The following FOXP1 variants were observed in gnomAD, a reference collection of about 807,000 sequenced individuals.
FOXP1 encodes the protein forkhead box protein P1.
Under a neutral mutation model 98.2 loss-of-function variants are expected in FOXP1, and 15 were observed. The observed-to-expected ratio is 0.15, with a 90% CI of 0.10 to 0.24. The LOEUF is 0.24. FOXP1 is among the 10% of genes least tolerant of loss of function. The pLI is 1.00. For missense variants in FOXP1, 633 were observed against 848.5 expected (o/e 0.75, Z 3.15); for synonymous variants, 371 against 314.5 (o/e 1.18, Z -1.90).
intron 12 of FOXP1, among the ~76,000 whole-genome samples, chr3:71,006,790 GAATT>G (rs1267947324): frequency 3.9e-5 from 6 of 152,172 alleles, no homozygotes; most frequent in South Asian, 4.1e-4. Context: ...GTTATATGTA[GAATT>G]AATTGCATAA....
At chr3:71,364,046 G>A (rs2078749314) in intron 3 of FOXP1, among the ~76,000 whole-genome samples, 2 of 152,158 alleles carry the variant, frequency 1.3e-5, no homozygotes, top group Admixed American at 1.3e-4. Context: ...AGTGGGAGGT[G>A]CTCACCCATT....
At position 71,329,365 on chromosome 3, in the gene FOXP1, G is replaced by A. The variant is rs147268448; in HGVS notation, c.-72-29485C>T. 1.4e-4 allele frequency among the ~76,000 whole-genome samples: 22 copies of A among 152,040 alleles called. No individual in the cohort carries two copies. In the East Asian group the frequency reaches 3.9e-3, roughly 27 times the overall value. On this transcript the variant is annotated intron_variant, in intron 4 of 20. Coordinates refer to ENST00000649528, the MANE Select transcript of FOXP1 (RefSeq NM_001349338.3). ...GCCTTCCGAGTAGCTGGGACTACAG[G>A]CACCCGCCACCAGGCTGGCTAATTT...
At chr3:71,125,324 C>T (rs2121783) in intron 6 of FOXP1, among the ~76,000 whole-genome samples, 77,837 of 152,050 alleles carry the variant, frequency 0.51, 20,669 homozygotes, top group Middle Eastern at 0.61. Flanking sequence ...TATTCAAGAA[C>T]GACATACACA....
intron 4 of FOXP1, among the ~76,000 whole-genome samples, chr3:71,348,924 A>C (rs1315441325): frequency 1.3e-5 from 2 of 152,148 alleles, no homozygotes; most frequent in East Asian, 1.9e-4. Flanking sequence ...TAGACAAGAG[A>C]CCGGACTACA....
intron 10 of FOXP1, among the ~76,000 whole-genome samples, chr3:71,046,618 GTGGTT>G: frequency 6.6e-6 from 1 of 152,274 alleles, no homozygotes; most frequent in Admixed American, 6.5e-5. Flanking sequence ...AAATTCCTTT[GTGGTT>G]CCAAACAGAA....
intron 9 of FOXP1, among the ~76,000 whole-genome samples, chr3:71,050,267 C>T (rs988823336): frequency 6.6e-6 from 1 of 152,128 alleles, no homozygotes; most frequent in Non-Finnish European, 1.5e-5. Context: ...CTTCCCATTT[C>T]TTTATGTGCC....
intron 3 of FOXP1, among the ~76,000 whole-genome samples, chr3:71,453,059 A>G (rs2087118990): frequency 6.6e-6 from 1 of 152,124 alleles, no homozygotes; most frequent in Non-Finnish European, 1.5e-5. Flanking sequence ...ATTCTTTTAA[A>G]TTAACTGTGT....
intron 3 of FOXP1, among the ~76,000 whole-genome samples, chr3:71,370,997 G>A (rs910260149): frequency 1.3e-5 from 2 of 151,724 alleles, no homozygotes; most frequent in Non-Finnish European, 2.9e-5. Flanking sequence ...GGCTGGTCTC[G>A]AACTCCTGAC....
At chr3:71,425,277 G>A (rs924416392) in intron 3 of FOXP1, among the ~76,000 whole-genome samples, 2 of 152,038 alleles carry the variant, frequency 1.3e-5, no homozygotes, top group Admixed American at 6.5e-5. Context: ...CACCACACCC[G>A]GCTAATTATT....
At chr3:71,219,755 C>G (rs934593862) in intron 5 of FOXP1, among the ~76,000 whole-genome samples, 7 of 152,170 alleles carry the variant, frequency 4.6e-5, no homozygotes, top group Admixed American at 2.0e-4. Context: ...AATCCAGTTA[C>G]CAGAAAATTT....
chr3:71,462,389 A>G (rs2088224641), intron 3 of FOXP1, among the ~76,000 whole-genome samples: 1 of 152,170 alleles, frequency 6.6e-6, no homozygotes, highest in African/African-American at 2.4e-5. Context: ...GAAAAATAAA[A>G]TAGGGTTCAC....
intron 6 of FOXP1, among the ~76,000 whole-genome samples, chr3:71,114,387 A>C (rs2058196659): frequency 6.6e-6 from 1 of 152,228 alleles, no homozygotes; most frequent in Non-Finnish European, 1.5e-5. Flanking sequence ...AAAAACGTGG[A>C]GTGTGCAAGA....
At chr3:71,332,689 G>C (rs2076411069) in intron 4 of FOXP1, 1 of 152,414 alleles carries the variant, frequency 6.6e-6, no homozygotes, top group Non-Finnish European at 1.5e-5. Flanking sequence ...AGTGTGCTGA[G>C]ATCATGCCAC....
rs1175698508 is a variant in FOXP1 at position 71,583,653 on chromosome 3, CCCGCGCACA to C, written c.-538_-530del. 3 of 984,728 alleles carry C rather than the reference CCCGCGCACA, an allele frequency of 3.0e-6. No individual in the cohort carries two copies. Among genetic ancestry groups the C allele is most frequent in the East Asian group, 2.3e-4 (2 of 8,734 alleles). The allele number at this position is 984,728 out of a possible 1,614,324, so 61.0% of individuals were successfully genotyped here. A position where few individuals can be genotyped will look rare whatever the true frequency, so the allele number is the denominator to read the frequency against. On this transcript the variant is annotated 5_prime_UTR_variant, in exon 1 of 21. Transcript: ENST00000649528. Reference sequence around the variant, plus strand: ...CGCCCACTCCCGCCCGCGCGCGCACCCCGCGCACACACTCACTCGCGCACACACGCGCGC... The same window carrying C: ...CGCCCACTCCCGCCCGCGCGCGCACCCACTCACTCGCGCACACACGCGCGC...
At chr3:71,054,057 G>A (rs1339835982) in intron 7 of FOXP1, among the ~76,000 whole-genome samples, 4 of 152,186 alleles carry the variant, frequency 2.6e-5, no homozygotes, top group Admixed American at 1.3e-4. Context: ...GTTAAGATAC[G>A]ACAGTTCTCA....
chr3:71,319,538 T>C (rs2107661058), intron 4 of FOXP1, among the ~76,000 whole-genome samples: 1 of 152,306 alleles, frequency 6.6e-6, no homozygotes, highest in Middle Eastern at 3.4e-3. Flanking sequence ...AAAATTCTTT[T>C]CACAGTCTCA....
intron 6 of FOXP1, chr3:71,197,974 G>T (rs1214432664): frequency 1.2e-6 from 2 of 1,614,078 alleles, no homozygotes; most frequent in Non-Finnish European, 1.7e-6. Context: ...TCCCCACAAG[G>T]GGACCTGCAG....
chr3:71,112,460 C>T (rs759231121), intron 7 of FOXP1, 76 bp downstream of exon 7: 2 of 1,168,634 alleles, frequency 1.7e-6, no homozygotes, highest in Non-Finnish European at 2.6e-6. Flanking sequence ...CAATGCTCAA[C>T]ACAATCCACT....
At chr3:71,495,922 G>A (rs1451951499) in intron 2 of FOXP1, among the ~76,000 whole-genome samples, 1 of 152,202 alleles carries the variant, frequency 6.6e-6, no homozygotes, top group Non-Finnish European at 1.5e-5. Context: ...TAAGGTAACA[G>A]GGAGAGGGAA....
Sources: allele counts gnomAD v4.1 joint callset (sites outside exome capture counted in the v4.1 genomes callset), GRCh38; gene constraint gnomAD v4.1.1; transcripts MANE v1.5; gene names NCBI Gene and HGNC (gene_info 2026-07-23, HGNC 2026-07-21).